NAA15: variants seen among roughly 807,000 people sequenced by gnomAD.
NAA15 encodes N-alpha-acetyltransferase 15, NatA auxiliary subunit, also known as N-terminal acetyltransferase.
A neutral mutation model predicts 114.0 loss-of-function variants in NAA15; 34 were observed. The observed-to-expected ratio is 0.30, with a 90% CI of 0.23 to 0.40. The LOEUF is 0.40. Ranked by LOEUF, NAA15 falls within the 10% of genes least tolerant of loss-of-function variation. NAA15 has a pLI of 1.00. For synonymous variants in NAA15, 340 were observed against 338.0 expected, an observed-to-expected ratio of 1.01 and a Z score of -0.06; for missense variants, 658 against 1,004.5, an observed-to-expected ratio of 0.66 and a Z score of 4.66.
At chr4:139,350,566 GTTTCCTTCAAGGCTAGT>G (rs1747742885) in intron 7 of NAA15, among the ~76,000 whole-genome samples, 1 of 152,202 alleles carries the variant, frequency 6.6e-6, no homozygotes, top group South Asian at 2.1e-4. Context: ...GATCTGATTT[GTTTCCTTCAAGGCTAGT>G]TGTGAGCCAT....
chr4:139,345,150 T>C (rs967789041), intron 6 of NAA15, among the ~76,000 whole-genome samples: 2 of 152,204 alleles, frequency 1.3e-5, no homozygotes, highest in Non-Finnish European at 2.9e-5. Flanking sequence ...ATAATAGGTA[T>C]AGCCATTGTT....
chr4:139,379,306 A>G (rs1376053315), intron 17 of NAA15: 2 of 152,382 alleles, frequency 1.3e-5, no homozygotes, highest in Non-Finnish European at 2.9e-5. Context: ...AATTATCTGT[A>G]TCTTCAAATA....
intron 1 of NAA15, among the ~76,000 whole-genome samples, chr4:139,322,477 T>A (rs778870118): frequency 7.2e-5 from 11 of 152,224 alleles, no homozygotes; most frequent in Non-Finnish European, 1.3e-4. Flanking sequence ...TCTAGATTAA[T>A]CTTATTCCTA....
intron 10 of NAA15, 104 bp downstream of exon 10, chr4:139,354,202 T>C: frequency 2.4e-6 from 2 of 842,364 alleles, no homozygotes; most frequent in Non-Finnish European, 1.9e-6. Context: ...GTAAGCACAG[T>C]GCATTAAATT....
At chr4:139,334,681 G>A (rs1174692155) in intron 2 of NAA15, among the ~76,000 whole-genome samples, 1 of 152,150 alleles carries the variant, frequency 6.6e-6, no homozygotes, top group Non-Finnish European at 1.5e-5. Context: ...ATATTGTAAT[G>A]TTCTGAAAGT....
chr4:139,328,633 T>C (rs1265005629), intron 1 of NAA15, among the ~76,000 whole-genome samples: 1 of 150,500 alleles, frequency 6.6e-6, no homozygotes, highest in South Asian at 2.1e-4. Context: ...AGTGGCGTGA[T>C]CTCGGCTCAC....
chr4:139,335,886 A>G (rs1747184888), intron 2 of NAA15, among the ~76,000 whole-genome samples: 2 of 151,400 alleles, frequency 1.3e-5, no homozygotes, highest in Admixed American at 1.3e-4. Context: ...CAGCCTCCCA[A>G]CTAGCTGGCA....
chr4:139,358,282 T>C (rs548126013), intron 11 of NAA15, among the ~76,000 whole-genome samples: 93 of 151,710 alleles, frequency 6.1e-4, no homozygotes, highest in African/African-American at 2.1e-3. Context: ...AATGTCTGCC[T>C]TCCGGGTTGA....
At chr4:139,354,335 G>C (rs1230798085) in intron 10 of NAA15, among the ~76,000 whole-genome samples, 2 of 152,082 alleles carry the variant, frequency 1.3e-5, no homozygotes, top group Non-Finnish European at 1.5e-5. Flanking sequence ...ATCTTGCTCT[G>C]TTCCCCAGGC....
chr4:139,367,708 T>A (rs780220043), intron 14 of NAA15, among the ~76,000 whole-genome samples: 2 of 152,180 alleles, frequency 1.3e-5, no homozygotes. Flanking sequence ...TTGCCTTCCC[T>A]CTTGACATAT....
Position 139,336,833 on chromosome 4 carries a change from TG to T in NAA15, c.140-14del. 6.9e-7 allele frequency: 1 copy of T among 1,454,342 alleles called. No individual in the cohort carries two copies. Among genetic ancestry groups the T allele is most frequent in the Non-Finnish European group, 9.2e-7 (1 of 1,086,846 alleles). The allele number at this position is 1,454,342 out of a possible 1,614,324, so 90.1% of individuals were successfully genotyped here. ...TTTTTAAAATGTTCCTTTTCTTCTT[TG>T]TTTTTGAAAATAGAAACCTTGGCTA... On this transcript the variant is annotated splice_polypyrimidine_tract_variant and intron_variant, in intron 2 of 19. Transcript: ENST00000296543.
intron 1 of NAA15, among the ~76,000 whole-genome samples, chr4:139,315,219 T>A (rs887748303): frequency 2.6e-5 from 4 of 151,774 alleles, no homozygotes; most frequent in African/African-American, 9.7e-5. Context: ...CCAAGTGACA[T>A]TTTAAAACCC....
At chr4:139,307,120 A>C (rs1230325296) in intron 1 of NAA15, among the ~76,000 whole-genome samples, 1 of 152,196 alleles carries the variant, frequency 6.6e-6, no homozygotes, top group Admixed American at 6.5e-5. Context: ...GTGATTTGTC[A>C]CTATTTGCCA....
At chr4:139,345,457 C>T (rs1747549272) in intron 6 of NAA15, among the ~76,000 whole-genome samples, 1 of 152,120 alleles carries the variant, frequency 6.6e-6, no homozygotes, top group South Asian at 2.1e-4. Context: ...CATTTGATCC[C>T]TTTGATAACT....
At chr4:139,316,957 C>T (rs1314982385) in intron 1 of NAA15, among the ~76,000 whole-genome samples, 4 of 151,012 alleles carry the variant, frequency 2.6e-5, no homozygotes, top group Non-Finnish European at 5.9e-5. Flanking sequence ...CTCCCAGAAA[C>T]TGTGCCTTGC....
intron 2 of NAA15, among the ~76,000 whole-genome samples, chr4:139,336,527 G>T (rs1196588772): frequency 6.6e-6 from 1 of 151,806 alleles, no homozygotes; most frequent in Non-Finnish European, 1.5e-5. Context: ...GATATGTAAG[G>T]TTATCCCATG....
At chr4:139,345,983 G>A (rs1045252515) in intron 6 of NAA15, among the ~76,000 whole-genome samples, 1 of 152,128 alleles carries the variant, frequency 6.6e-6, no homozygotes, top group Non-Finnish European at 1.5e-5. Context: ...CTCAGTTGAG[G>A]AGTTTTGCTG....
chr4:139,380,015 A>G (rs1482957450), intron 17 of NAA15, among the ~76,000 whole-genome samples: 2 of 152,242 alleles, frequency 1.3e-5, no homozygotes, highest in Non-Finnish European at 2.9e-5. Context: ...ACTACACTCC[A>G]GCCTGGGCAA....
chr4:139,379,052 T>C (rs1423615514), intron 17 of NAA15, 198 bp downstream of exon 17: 7 of 403,996 alleles, frequency 1.7e-5, no homozygotes, highest in Non-Finnish European at 2.6e-5. Flanking sequence ...GATTTTGACA[T>C]AGAATTATTC....
Sources: gnomAD v4.1 joint callset for allele counts (sites outside exome capture counted in the v4.1 genomes callset) on GRCh38, gnomAD v4.1.1 for gene constraint, MANE v1.5 for transcripts, NCBI Gene and HGNC (gene_info 2026-07-23, HGNC 2026-07-21) for gene names.